Variants in SLC25A48 observed in about 807,000 individuals in gnomAD.
The protein encoded by SLC25A48 is solute carrier family 25 member 48.
Under a neutral mutation model 32.2 loss-of-function variants are expected in SLC25A48, and 29 were observed. That is an observed-to-expected ratio of 0.90 (90% CI 0.67 to 1.23). The LOEUF is 1.23. Among genes scored for constraint, SLC25A48 ranks in the 50% most tolerant of loss-of-function variants. SLC25A48 has a pLI of 0.00. For missense variants in SLC25A48, 399 were observed against 422.7 expected, an observed-to-expected ratio of 0.94 and a Z score of 0.49; for synonymous variants, 164 against 172.3, an observed-to-expected ratio of 0.95 and a Z score of 0.38.
chr5:135,847,646 A>G (rs189644616), intron 2 of SLC25A48, among the ~76,000 whole-genome samples: 1 of 152,318 alleles, frequency 6.6e-6, no homozygotes, highest in East Asian at 1.9e-4. Context: ...CTTCCCACAG[A>G]AGAGGAAGAA....
At chr5:135,721,379 T>C (rs1051529688) in intron 3 of SLC25A48, among the ~76,000 whole-genome samples, 2 of 151,540 alleles carry the variant, frequency 1.3e-5, no homozygotes, top group African/African-American at 4.9e-5. Context: ...TTTTTTGTAT[T>C]TTTAGTAGAG....
intron 3 of SLC25A48, among the ~76,000 whole-genome samples, chr5:135,678,939 T>C (rs989622107): frequency 1.3e-5 from 2 of 152,138 alleles, no homozygotes; most frequent in African/African-American, 4.8e-5. Flanking sequence ...GCTGAACATG[T>C]CTGTCCTTGG....
chr5:135,593,323 T>C (rs1052443600), intron 1 of SLC25A48, among the ~76,000 whole-genome samples: 2 of 152,200 alleles, frequency 1.3e-5, no homozygotes, highest in Non-Finnish European at 2.9e-5. Flanking sequence ...AGGCTTCTTG[T>C]TCCTGCAGAG....
At chr5:135,857,526 C>T (rs1009559805) in intron 4 of SLC25A48, among the ~76,000 whole-genome samples, 8 of 152,244 alleles carry the variant, frequency 5.3e-5, no homozygotes, top group East Asian at 1.9e-4. Flanking sequence ...TCTCTGTTCA[C>T]GTATCTCCAA....
chr5:135,633,573 C>T (rs945206078), intron 2 of SLC25A48, among the ~76,000 whole-genome samples: 3 of 151,924 alleles, frequency 2.0e-5, no homozygotes, highest in Non-Finnish European at 4.4e-5. Context: ...TTTTGGATTT[C>T]AAGGCTCCAT....
At chr5:135,599,959 T>C (rs1751754622) in intron 1 of SLC25A48, among the ~76,000 whole-genome samples, 1 of 152,068 alleles carries the variant, frequency 6.6e-6, no homozygotes, top group East Asian at 1.9e-4. Context: ...TGTCTGTCCC[T>C]GCCATAACAT....
chr5:135,610,235 C>T (rs1014277560), intron 1 of SLC25A48, among the ~76,000 whole-genome samples: 1 of 152,194 alleles, frequency 6.6e-6, no homozygotes, highest in African/African-American at 2.4e-5. Flanking sequence ...TCTCACTACA[C>T]CTGACGGGGG....
chr5:135,580,396 T>C (rs1344009097), intron 1 of SLC25A48, among the ~76,000 whole-genome samples: 2 of 152,204 alleles, frequency 1.3e-5, no homozygotes, highest in Non-Finnish European at 2.9e-5. Flanking sequence ...CCCAGCTCTA[T>C]GCCATCAGCC....
At chr5:135,823,540 G>C (rs1448135037) in intron 4 of SLC25A48, among the ~76,000 whole-genome samples, 1 of 152,104 alleles carries the variant, frequency 6.6e-6, no homozygotes, top group Non-Finnish European at 1.5e-5. Flanking sequence ...AATACTTGGT[G>C]TCTACCATAT....
chr5:135,873,259 C>G (rs1158064670), intron 5 of SLC25A48, among the ~76,000 whole-genome samples: 1 of 152,218 alleles, frequency 6.6e-6, no homozygotes, highest in Non-Finnish European at 1.5e-5. Flanking sequence ...ACCATGCAAA[C>G]CAGTTGCCCT....
At chr5:135,764,634 G>A (rs978404047) in intron 3 of SLC25A48, among the ~76,000 whole-genome samples, 1 of 150,974 alleles carries the variant, frequency 6.6e-6, no homozygotes, top group African/African-American at 2.4e-5. Flanking sequence ...TAATATCCAG[G>A]GGGGGAGAGG....
At chr5:135,606,315 G>A (rs1056347400) in intron 1 of SLC25A48, among the ~76,000 whole-genome samples, 10 of 152,196 alleles carry the variant, frequency 6.6e-5, no homozygotes, top group Admixed American at 1.3e-4. Flanking sequence ...TGAGACCCCA[G>A]AAATGATAAT....
chr5:135,726,694 C>T (rs538486404), intron 3 of SLC25A48, among the ~76,000 whole-genome samples: 4 of 152,318 alleles, frequency 2.6e-5, no homozygotes, highest in African/African-American at 9.6e-5. Context: ...GCGTGTACCA[C>T]AGTCTGTTTA....
chr5:135,842,336 C>A (rs2126704446), intron 1 of SLC25A48, 80 bp from the exon 2 acceptor site: 1 of 1,462,040 alleles, frequency 6.8e-7, no homozygotes, highest in Non-Finnish European at 9.6e-7. Context: ...TAAACAAGTG[C>A]CTGTTTTGTC....
intron 4 of SLC25A48, among the ~76,000 whole-genome samples, chr5:135,861,182 A>G (rs1184585255): frequency 6.6e-6 from 1 of 152,168 alleles, no homozygotes; most frequent in Non-Finnish European, 1.5e-5. Context: ...TATATGGACA[A>G]TTTCATGTCC....
At chr5:135,873,293 T>A (rs1468275374) in intron 5 of SLC25A48, among the ~76,000 whole-genome samples, 2 of 152,210 alleles carry the variant, frequency 1.3e-5, no homozygotes, top group South Asian at 2.1e-4. Context: ...AATTTGTTTT[T>A]CTCTCCCCAT....
Position 135,763,136 on chromosome 5 carries a change from A to G in SLC25A48, c.-520-49387A>G, listed in dbSNP as rs143201600. ...GAAGAAAAAGACAGTTGAAACACAA[A>G]CCCTGACCGTGGAGAGCTCACAGCC... On this transcript the variant is annotated intron_variant, in intron 3 of 10. Transcript: ENST00000646290. Among the ~76,000 whole-genome samples, 719 of 152,160 alleles carry G rather than the reference A, an allele frequency of 4.7e-3. 2 individuals carry two copies. Among genetic ancestry groups the G allele is most frequent in the Non-Finnish European group, 8.1e-3 (549 of 67,992 alleles).
At chr5:135,874,898 A>G in intron 6 of SLC25A48, 1 of 467,132 alleles carries the variant, frequency 2.1e-6, no homozygotes. Flanking sequence ...TCTTAGAGTC[A>G]GCAGACATGG....
chr5:135,669,822 T>C (rs1015454249), intron 3 of SLC25A48, among the ~76,000 whole-genome samples: 2 of 152,192 alleles, frequency 1.3e-5, no homozygotes, highest in African/African-American at 4.8e-5. Context: ...TGCCCGAGGC[T>C]GAGGGATGAG....
Sources: gnomAD v4.1 joint callset for allele counts (sites outside exome capture counted in the v4.1 genomes callset) on GRCh38, gnomAD v4.1.1 for gene constraint, MANE v1.5 for transcripts, NCBI Gene and HGNC (gene_info 2026-07-23, HGNC 2026-07-21) for gene names.